Variants in COPS4 observed in about 807,000 individuals in gnomAD.
COPS4 encodes the protein COP9 signalosome subunit 4.
In COPS4, 8 loss-of-function variants were observed where a neutral mutation model predicts 55.1. That is an observed-to-expected ratio of 0.15 (90% CI 0.09 to 0.26). The LOEUF (loss-of-function observed/expected upper bound fraction) is 0.26, where lower values mean the gene tolerates loss of function less well. Among genes scored for constraint, COPS4 ranks in the 10% least tolerant of loss-of-function variants. The pLI is 1.00. For synonymous variants in COPS4, 185 were observed against 165.7 expected, an observed-to-expected ratio of 1.12 and a Z score of -0.90; for missense variants, 248 against 484.0, an observed-to-expected ratio of 0.51 and a Z score of 4.58.
intron 7 of COPS4, 35 bp downstream of exon 7, chr4:83,063,281 A>G (rs754124278): frequency 2.5e-5 from 38 of 1,491,688 alleles, no homozygotes; most frequent in African/African-American, 4.5e-5. Flanking sequence ...ATGGTAGTCA[A>G]TGTTTAGGTA....
chr4:83,043,745 G>T (rs530574882), intron 1 of COPS4, among the ~76,000 whole-genome samples: 4 of 152,048 alleles, frequency 2.6e-5, no homozygotes, highest in Admixed American at 2.0e-4. Context: ...TTATCTGAAA[G>T]CATGCCCAGG....
intron 4 of COPS4, among the ~76,000 whole-genome samples, chr4:83,055,197 A>C (rs962096776): frequency 6.6e-6 from 1 of 152,140 alleles, no homozygotes; most frequent in Non-Finnish European, 1.5e-5. Context: ...GTTAGGATTA[A>C]TCTTGTTTCA....
intron 9 of COPS4, among the ~76,000 whole-genome samples, chr4:83,070,530 TG>T (rs1255990092): frequency 6.6e-6 from 1 of 152,202 alleles, no homozygotes; most frequent in African/African-American, 2.4e-5. Context: ...TCCTTATCCT[TG>T]GGCTCAAACC....
rs1418961877 is a variant in COPS4 at position 83,042,605 on chromosome 4, A to T, written c.75-3021A>T. Among the ~76,000 whole-genome samples the T allele has an allele frequency of 2.8e-5, 4 of 145,010 alleles. No individual in the cohort carries two copies. The South Asian group carries it at 6.5e-4, about 23-fold the overall frequency. On this transcript the variant is annotated intron_variant, in intron 1 of 9. Transcript: ENST00000264389. ...ATTTTTGTAATTTTTTTTTATTTTTAAAATTTTTATTTTTGAGATGAGATA... is the reference window on the plus strand; with the variant it reads ...ATTTTTGTAATTTTTTTTTATTTTTTAAATTTTTATTTTTGAGATGAGATA...
chr4:83,051,474 A>G (rs147844616), intron 4 of COPS4, among the ~76,000 whole-genome samples: 1 of 152,272 alleles, frequency 6.6e-6, no homozygotes, highest in Non-Finnish European at 1.5e-5. Context: ...TGTTGTGAGA[A>G]GTATTGAATT....
chr4:83,060,959 G>A (rs1196967237), intron 6 of COPS4, among the ~76,000 whole-genome samples: 1 of 151,410 alleles, frequency 6.6e-6, no homozygotes, highest in Non-Finnish European at 1.5e-5. Flanking sequence ...ATTTGAACCC[G>A]GGAGGCAGAG....
intron 4 of COPS4, among the ~76,000 whole-genome samples, chr4:83,053,002 G>A (rs1730922903): frequency 6.6e-6 from 1 of 152,214 alleles, no homozygotes; most frequent in Non-Finnish European, 1.5e-5. Context: ...CCTTAGGAGA[G>A]TGGGACAATG....
At chr4:83,062,486 C>A (rs909693131) in intron 6 of COPS4, among the ~76,000 whole-genome samples, 1 of 152,172 alleles carries the variant, frequency 6.6e-6, no homozygotes, top group Non-Finnish European at 1.5e-5. Context: ...TTTGAATGTC[C>A]TGACACATGT....
intron 4 of COPS4, among the ~76,000 whole-genome samples, chr4:83,054,333 C>T (rs1730963241): frequency 6.6e-6 from 1 of 151,524 alleles, no homozygotes; most frequent in South Asian, 2.1e-4. Flanking sequence ...CAGAGCGAGA[C>T]TCCATCTCAA....
At chr4:83,051,677 G>T (rs1273197150) in intron 4 of COPS4, among the ~76,000 whole-genome samples, 1 of 152,134 alleles carries the variant, frequency 6.6e-6, no homozygotes, top group Non-Finnish European at 1.5e-5. Context: ...ATGTAGTGAG[G>T]AGTTGAATGT....
intron 1 of COPS4, among the ~76,000 whole-genome samples, chr4:83,036,932 T>G (rs1730436210): frequency 6.6e-6 from 1 of 152,214 alleles, no homozygotes; most frequent in Non-Finnish European, 1.5e-5. Flanking sequence ...AGGTCTGAAT[T>G]GGAGATAAAC....
chr4:83,069,852 C>G (rs1423555582), intron 9 of COPS4, among the ~76,000 whole-genome samples: 1 of 152,000 alleles, frequency 6.6e-6, no homozygotes. Flanking sequence ...GGCTTTGGAC[C>G]TTTTCTCTGA....
chr4:83,035,219 A>G lies in COPS4; in HGVS notation c.-6A>G. 1 of 1,562,850 alleles carries G rather than the reference A, an allele frequency of 6.4e-7. No homozygotes were observed. Among genetic ancestry groups the G allele is most frequent in the Non-Finnish European group, 8.7e-7 (1 of 1,147,416 alleles). On this transcript the variant is annotated 5_prime_UTR_variant, in exon 1 of 10. Coordinates refer to ENST00000264389, the MANE Select transcript of COPS4 (RefSeq NM_016129.3). ...CCCCCGCATCCACCGCTGAGCTGGG[A>G]GAAAGATGGCGGCAGCCGTGCGACA...
chr4:83,042,813 C>G (rs1730601688), intron 1 of COPS4, among the ~76,000 whole-genome samples: 1 of 151,996 alleles, frequency 6.6e-6, no homozygotes, highest in South Asian at 2.1e-4. Flanking sequence ...CTATGTTGCT[C>G]AGACTGGTCT....
intron 4 of COPS4, among the ~76,000 whole-genome samples, chr4:83,054,501 G>A (rs1201223547): frequency 6.6e-6 from 1 of 152,144 alleles, no homozygotes; most frequent in Non-Finnish European, 1.5e-5. Flanking sequence ...CATTATTTAT[G>A]AAATTACTTG....
At chr4:83,066,215 A>G (rs1731288964) in intron 7 of COPS4, among the ~76,000 whole-genome samples, 2 of 152,232 alleles carry the variant, frequency 1.3e-5, no homozygotes, top group Non-Finnish European at 2.9e-5. Flanking sequence ...GGTTAGATCT[A>G]TATGCTTAAT....
rs1730501602 is a variant in COPS4, at chr4:83,039,288, C to T, written c.74+3990C>T. Among the ~76,000 whole-genome samples the T allele has an allele frequency of 2.0e-5, 3 of 152,262 alleles. No homozygotes were observed. In the South Asian group the frequency reaches 6.2e-4, roughly 32 times the overall value. On this transcript the variant is annotated intron_variant, in intron 1 of 9. Coordinates refer to ENST00000264389, the MANE Select transcript of COPS4 (RefSeq NM_016129.3). ...CAATATAGTTGACTGGGCTACATAT[C>T]TCATTAGCCAGTATGTTAGTCTGAG... is the stretch of plus-strand genomic sequence containing the variant.
At chr4:83,037,714 T>C (rs550329750) in intron 1 of COPS4, among the ~76,000 whole-genome samples, 1 of 152,328 alleles carries the variant, frequency 6.6e-6, no homozygotes, top group East Asian at 1.9e-4. Flanking sequence ...TTTTAGGAGC[T>C]GAGTAACAAA....
chr4:83,057,637 A>C (rs1165798217), intron 6 of COPS4, among the ~76,000 whole-genome samples: 1 of 152,194 alleles, frequency 6.6e-6, no homozygotes, highest in African/African-American at 2.4e-5. Flanking sequence ...AATAGTTAAA[A>C]GAGGGCTGGG....
Sources: gnomAD v4.1 joint callset for allele counts (sites outside exome capture counted in the v4.1 genomes callset) on GRCh38, gnomAD v4.1.1 for gene constraint, MANE v1.5 for transcripts, NCBI Gene and HGNC (gene_info 2026-07-23, HGNC 2026-07-21) for gene names.